The following AGAP1 variants were observed in gnomAD, a reference collection of about 807,000 sequenced individuals.
AGAP1 encodes ArfGAP with GTPase domain, ankyrin repeat and PH domain 1, also known as arf-GAP with GTPase, ANK repeat and PH domain-containing protein 1.
Under a neutral mutation model 105.3 loss-of-function variants are expected in AGAP1, and 29 were observed. The ratio of observed to expected loss-of-function variants is 0.28; its 90% CI spans 0.21 to 0.38. The LOEUF (loss-of-function observed/expected upper bound fraction) is 0.38. Among genes scored for constraint, AGAP1 ranks in the 10% least tolerant of loss-of-function variants. The probability of loss-of-function intolerance (pLI) is 1.00; values close to 1 mark genes in which losing one functional copy is unlikely to be tolerated. For missense variants in AGAP1, 998 were observed against 1,165.1 expected, an observed-to-expected ratio of 0.86 and a Z score of 2.09; for synonymous variants, 509 against 485.9, an observed-to-expected ratio of 1.05 and a Z score of -0.63.
intron 1 of AGAP1, among the ~76,000 whole-genome samples, chr2:235,602,566 C>T (rs1261014537): frequency 2.6e-5 from 4 of 152,360 alleles, no homozygotes; most frequent in Middle Eastern, 3.4e-3. Flanking sequence ...CCTTCCGCTT[C>T]CTGCATTTTG....
rs1230563188 is a variant in AGAP1, at chr2:235,566,381, TC to T, written c.163+71533del. ...ATCACGCCCGGCCTTGTATTATTTT[TC>T]AATGCATTGCAAAGTCAACGGCAGA... is the stretch of plus-strand genomic sequence containing the variant. On this transcript the variant is annotated intron_variant, in intron 1 of 17. Coordinates refer to ENST00000304032, the MANE Select transcript of AGAP1 (RefSeq NM_001037131.3). The surrounding 1 kb of genome is among the most constrained non-coding windows in gnomAD (Gnocchi z 5.2). Among the ~76,000 whole-genome samples the T allele has an allele frequency of 1.6e-4, 25 of 152,364 alleles. No homozygotes were observed. The highest frequency in any genetic ancestry group is 1.5e-3 in the Admixed American group (23 of 15,308).
chr2:235,719,275 A>G lies in AGAP1; in HGVS notation c.310+1631A>G, dbSNP rs911666088. On this transcript the variant is annotated intron_variant, in intron 3 of 17. Coordinates refer to ENST00000304032, the MANE Select transcript of AGAP1 (RefSeq NM_001037131.3). The surrounding 1 kb of genome is among the most constrained non-coding windows in gnomAD (Gnocchi z 4.9). ...GCCCTGGGTTTCTGGAGTAAGAACA[A>G]GGACCACGACTCACTCATGGTGGCC... Among the ~76,000 whole-genome samples the G allele has an allele frequency of 1.3e-5, 2 of 152,190 alleles. No individual in the cohort carries two copies. Among genetic ancestry groups the G allele is most frequent in the African/African-American group, 2.4e-5 (1 of 41,442 alleles).
rs1422505372 is a variant in AGAP1 at position 236,082,823 on chromosome 2, G to A, written c.2114+33542G>A. Among the ~76,000 whole-genome samples the A allele has an allele frequency of 6.6e-6, 1 of 151,862 alleles. No individual in the cohort carries two copies. Among genetic ancestry groups the A allele is most frequent in the Non-Finnish European group, 1.5e-5 (1 of 67,988 alleles). ...CTGGAGGTGGAGGTTGCAGTGAGCC[G>A]AGATTGCACCCATTGCACTCCAGCC... On this transcript the variant is annotated intron_variant, in intron 16 of 17. Transcript: ENST00000304032. This position sits in a 1 kb window ranked among gnomAD's most constrained non-coding sequence, Gnocchi z 4.2.
At chr2:235,526,118 CATA>C (rs1942828215) in intron 1 of AGAP1, among the ~76,000 whole-genome samples, 1 of 94,772 alleles carries the variant, frequency 1.1e-5, no homozygotes, top group African/African-American at 4.9e-5. Flanking sequence ...AGGACTGACA[CATA>C]ATGTGGAGGA....
At chr2:235,756,295 GT>G (rs926431778) in intron 6 of AGAP1, among the ~76,000 whole-genome samples, 5 of 152,030 alleles carry the variant, frequency 3.3e-5, no homozygotes, top group Non-Finnish European at 7.4e-5. Context: ...CAGGATCAGG[GT>G]TTTTTTGTTG....
In AGAP1 at chr2:236,105,999, A is replaced by G. The variant is rs1490586447; in HGVS notation, c.2115-14193A>G. Among the ~76,000 whole-genome samples, 1 of 152,094 alleles carries G rather than the reference A, an allele frequency of 6.6e-6. No homozygotes were observed. The highest frequency in any genetic ancestry group is 1.9e-4 in the East Asian group (1 of 5,174). On this transcript the variant is annotated intron_variant, in intron 16 of 17. Coordinates refer to ENST00000304032, the MANE Select transcript of AGAP1 (RefSeq NM_001037131.3). The surrounding 1 kb of genome is among the most constrained non-coding windows in gnomAD (Gnocchi z 4.2). ...GTCCTGTCACCAAACACCATCACAC[A>G]GGGGGTTAGGGCTTCAGCGACTGAC...
intron 10 of AGAP1, among the ~76,000 whole-genome samples, chr2:235,896,310 C>T (rs1188452739): frequency 3.9e-5 from 6 of 152,152 alleles, no homozygotes; most frequent in African/African-American, 9.7e-5. Context: ...AGTAATATTC[C>T]GTCATATGTA....
chr2:235,937,908 A>G (rs944229666), intron 12 of AGAP1, among the ~76,000 whole-genome samples: 5 of 152,214 alleles, frequency 3.3e-5, no homozygotes, highest in African/African-American at 1.2e-4. Flanking sequence ...GATCTGGACA[A>G]TGAAAGTTTC....
intron 5 of AGAP1, among the ~76,000 whole-genome samples, chr2:235,748,035 G>A (rs1382699469): frequency 6.6e-6 from 1 of 152,216 alleles, no homozygotes; most frequent in African/African-American, 2.4e-5. Flanking sequence ...GAATGAATGA[G>A]GTAATCATTT....
At chr2:235,954,055 C>G (rs1040974499) in intron 12 of AGAP1, among the ~76,000 whole-genome samples, 10 of 152,108 alleles carry the variant, frequency 6.6e-5, no homozygotes, top group South Asian at 4.2e-4. Context: ...CATGGAGAAA[C>G]CTTGTTTCTT....
intron 11 of AGAP1, among the ~76,000 whole-genome samples, chr2:235,913,094 G>T (rs1284002800): frequency 1.3e-5 from 2 of 152,026 alleles, no homozygotes; most frequent in African/African-American, 4.8e-5. Flanking sequence ...TACATAAAAA[G>T]GTTTTCCCTC....
At chr2:235,501,293 G>A (rs2149001652) in intron 1 of AGAP1, among the ~76,000 whole-genome samples, 1 of 152,314 alleles carries the variant, frequency 6.6e-6, no homozygotes, top group Non-Finnish European at 1.5e-5. Context: ...TCATTCTGTG[G>A]TTTTGCGGAT....
At position 235,908,824 on chromosome 2, in the gene AGAP1, G is replaced by A. The variant is rs189935338; in HGVS notation, c.1242G>A (p.Thr414=). ...CAGGGAAGAGGCCACCCCGAGCCAC[G>A]TCAGCCTGCGCACCCATCTCCAGCC... ...KVPGKRPPRA[T]SACAPISSPK... Residue 414 remains threonine (T), a synonymous_variant, in exon 11 of 18, where the codon ACG becomes ACA. Coordinates refer to ENST00000304032, the MANE Select transcript of AGAP1 (RefSeq NM_001037131.3). This position sits in a 1 kb window ranked among gnomAD's most constrained non-coding sequence, Gnocchi z 4.4. The A allele has an allele frequency of 3.6e-5, 58 of 1,613,974 alleles. 1 individual carries two copies. Among genetic ancestry groups the A allele is most frequent in the Admixed American group, 2.2e-4 (13 of 60,002 alleles).
At chr2:235,838,408 A>G (rs1575589598) in intron 9 of AGAP1, among the ~76,000 whole-genome samples, 1 of 152,206 alleles carries the variant, frequency 6.6e-6, no homozygotes, top group Admixed American at 6.5e-5. Flanking sequence ...GGTAGGAGGA[A>G]GAAGAGGCAC....
In AGAP1 at chr2:235,719,272, AC is replaced by A. The variant is rs1286236858; in HGVS notation, c.310+1629del. Among the ~76,000 whole-genome samples the A allele has an allele frequency of 2.6e-5, 4 of 152,152 alleles. No homozygotes were observed. The highest frequency in any genetic ancestry group is 5.9e-5 in the Non-Finnish European group (4 of 68,034). On this transcript the variant is annotated intron_variant, in intron 3 of 17. Transcript: ENST00000304032. The surrounding 1 kb of genome is among the most constrained non-coding windows in gnomAD (Gnocchi z 4.9). ...GAGGCCCTGGGTTTCTGGAGTAAGA[AC>A]AAGGACCACGACTCACTCATGGTGG...
At chr2:236,099,588 T>A (rs1216662241) in intron 16 of AGAP1, among the ~76,000 whole-genome samples, 1 of 152,216 alleles carries the variant, frequency 6.6e-6, no homozygotes, top group Admixed American at 6.5e-5. Context: ...ACATCAGAAT[T>A]GCCCTACAGA....
In AGAP1 at chr2:235,700,360, A is replaced by T. The variant is rs1335247160; in HGVS notation, c.164-8819A>T. 1.3e-5 allele frequency among the ~76,000 whole-genome samples: 2 copies of T among 152,178 alleles called. No individual in the cohort carries two copies. The highest frequency in any genetic ancestry group is 4.8e-5 in the African/African-American group (2 of 41,440). ...TTTCTTCCTTGCCGTTTTGACTTTC[A>T]AATCCTCACGCCCTCTGCTTTGATT... On this transcript the variant is annotated intron_variant, in intron 1 of 17. Coordinates refer to ENST00000304032, the MANE Select transcript of AGAP1 (RefSeq NM_001037131.3). The surrounding 1 kb of genome is among the most constrained non-coding windows in gnomAD (Gnocchi z 6.1).
intron 13 of AGAP1, among the ~76,000 whole-genome samples, chr2:236,025,043 C>G (rs2057008148): frequency 6.6e-6 from 1 of 152,154 alleles, no homozygotes; most frequent in Non-Finnish European, 1.5e-5. Context: ...TTTTCAGGAA[C>G]AGGGGGATTA....
At chr2:235,617,144 T>G (rs560785568) in intron 1 of AGAP1, among the ~76,000 whole-genome samples, 4 of 152,048 alleles carry the variant, frequency 2.6e-5, no homozygotes, top group African/African-American at 9.7e-5. Flanking sequence ...TTAATCGTAA[T>G]GTAGGGGGAA....
Sources: allele counts gnomAD v4.1 joint callset (sites outside exome capture counted in the v4.1 genomes callset), GRCh38; gene constraint gnomAD v4.1.1; non-coding constraint Gnocchi (gnomAD v3.1); transcripts MANE v1.5; gene names NCBI Gene and HGNC (gene_info 2026-07-23, HGNC 2026-07-21).